The following TC2N variants were observed in gnomAD, a reference collection of about 807,000 sequenced individuals.
TC2N encodes tandem C2 domains, nuclear.
In TC2N, 51 loss-of-function variants were observed where a neutral mutation model predicts 61.9. That is an observed-to-expected ratio of 0.82 (90% CI 0.66 to 1.04). TC2N has a LOEUF of 1.04. Ranked by LOEUF, TC2N falls within the 50% of genes least tolerant of loss-of-function variation. The pLI is 0.00. For missense variants in TC2N, 556 were observed against 566.7 expected (o/e 0.98, Z 0.19); for synonymous variants, 204 against 192.6 (o/e 1.06, Z -0.49).
At chr14:91,845,174 G>A (rs2139913164) in intron 1 of TC2N, among the ~76,000 whole-genome samples, 1 of 152,194 alleles carries the variant, frequency 6.6e-6, no homozygotes, top group Non-Finnish European at 1.5e-5. Context: ...GTTGCAGTAA[G>A]CAGAGATGGT....
At chr14:91,812,573 A>G (rs1315782850) in intron 2 of TC2N, 28 bp from the exon 3 acceptor site, 1 of 1,119,244 alleles carries the variant, frequency 8.9e-7, no homozygotes, top group Non-Finnish European at 1.3e-6. Flanking sequence ...AAAAAGTCAC[A>G]AATATGAATA....
intron 1 of TC2N, among the ~76,000 whole-genome samples, chr14:91,854,316 A>T (rs1283844642): frequency 6.0e-5 from 9 of 150,002 alleles, no homozygotes; most frequent in Non-Finnish European, 1.3e-4. Context: ...ATACTTACCC[A>T]TGGGTCTTAG....
intron 9 of TC2N, among the ~76,000 whole-genome samples, chr14:91,790,251 C>T (rs1595222457): frequency 1.3e-5 from 2 of 152,268 alleles, no homozygotes; most frequent in African/African-American, 4.8e-5. Context: ...ATTTACATTA[C>T]TATTTGTCAA....
chr14:91,801,735 T>C (rs78295929), intron 4 of TC2N, among the ~76,000 whole-genome samples: 4,538 of 152,290 alleles, frequency 0.03, 225 homozygotes, highest in African/African-American at 0.1. Context: ...TTCTTCTTTA[T>C]GTTTTTTCCC....
Position 91,800,292 on chromosome 14 carries a change from G to A in TC2N, c.550C>T (p.Arg184Ter), listed in dbSNP as rs77995634. The A allele has an allele frequency of 6.9e-6, 11 of 1,589,506 alleles. 1 individual carries two copies. The South Asian group carries it at 8.0e-5, about 12-fold the overall frequency. The stretch of plus-strand genomic sequence containing the variant: ...TGTAGATAATTCACCTGGATGAATC[G>A]CTGAGATGAGTTTGTAAGATCAAAC... ...SMFDLTNSSQ[R>*]FIQRHDSLSS... is the part of the protein sequence containing the mutation. The change falls in exon 5 of 12, where the codon CGA becomes TGA. Residue 184 changes from arginine (R) to a stop codon, truncating the protein, a stop_gained. Transcript: ENST00000435962. LOFTEE classifies it high-confidence loss of function.
intron 3 of TC2N, among the ~76,000 whole-genome samples, chr14:91,804,866 C>G (rs1280122497): frequency 6.6e-6 from 1 of 152,082 alleles, no homozygotes; most frequent in Non-Finnish European, 1.5e-5. Context: ...ATGTCTTTAC[C>G]TAGGCTGTAC....
At chr14:91,799,684 T>C (rs541868919) in intron 5 of TC2N, among the ~76,000 whole-genome samples, 1 of 152,106 alleles carries the variant, frequency 6.6e-6, no homozygotes, top group Non-Finnish European at 1.5e-5. Flanking sequence ...TATATGTACA[T>C]ATATTCACAT....
intron 1 of TC2N, among the ~76,000 whole-genome samples, chr14:91,863,419 G>A (rs1204284406): frequency 1.3e-5 from 2 of 152,200 alleles, no homozygotes; most frequent in Non-Finnish European, 2.9e-5. Context: ...TTATAAGCAA[G>A]GGTTTCTAAA....
intron 1 of TC2N, among the ~76,000 whole-genome samples, chr14:91,816,412 T>C (rs937288114): frequency 6.6e-6 from 1 of 151,856 alleles, no homozygotes; most frequent in African/African-American, 2.4e-5. Flanking sequence ...GATTAATCTG[T>C]AATTGTTTAT....
chr14:91,836,341 G>C, intron 1 of TC2N: 1 of 151,996 alleles, frequency 6.6e-6, no homozygotes, highest in Admixed American at 6.5e-5. Flanking sequence ...GCCCGCGCTG[G>C]GCCGGCGCCG....
chr14:91,798,339 T>C lies in TC2N; in HGVS notation c.698A>G (p.Tyr233Cys). ...CCAGATCTGTTCTACTGAAGAATTATAAAACAATTTCACATTCAGTCTCCC... is the reference window on the plus strand; with the variant it reads ...CCAGATCTGTTCTACTGAAGAATTACAAAACAATTTCACATTCAGTCTCCC... ...DFGRLNVKLF[Y>C]NSSVEQIWIT... is the part of the protein sequence containing the mutation. The change falls in exon 7 of 12, where the codon TAT becomes TGT. Residue 233 changes from tyrosine (Y) to cysteine (C), a missense_variant. Transcript: ENST00000435962. The C allele has an allele frequency of 1.3e-6, 2 of 1,596,082 alleles. No homozygotes were observed. The highest frequency in any genetic ancestry group is 1.7e-6 in the Non-Finnish European group (2 of 1,169,210).
At position 91,798,978 on chromosome 14, in the gene TC2N, T is replaced by C; in HGVS notation, c.637+11A>G. 6.4e-7 allele frequency: 1 copy of C among 1,572,282 alleles called. No homozygotes were observed. The highest frequency in any genetic ancestry group is 8.7e-7 in the Non-Finnish European group (1 of 1,147,902). On this transcript the variant is annotated intron_variant, in intron 6 of 11. Coordinates refer to ENST00000435962, the MANE Select transcript of TC2N (RefSeq NM_001128596.3). ...CTTAAGAGTATAAAAGTAGGATACT[T>C]TATTCCTTACCCAGGCTTCTGTTAC...
At chr14:91,827,668 C>CCCTA (rs1887560841) in intron 1 of TC2N, among the ~76,000 whole-genome samples, 1 of 152,212 alleles carries the variant, frequency 6.6e-6, no homozygotes, top group African/African-American at 2.4e-5. Context: ...TGTGAGGTAA[C>CCCTA]ATTCACAGGT....
intron 8 of TC2N, 51 bp downstream of exon 8, chr14:91,797,734 T>TAC: frequency 1.7e-5 from 17 of 981,878 alleles, no homozygotes; most frequent in African/African-American, 2.5e-5. Context: ...AAGTGACAAA[T>TAC]ATAAAAAAAA....
At chr14:91,844,192 C>T (rs1888220464) in intron 1 of TC2N, among the ~76,000 whole-genome samples, 1 of 152,124 alleles carries the variant, frequency 6.6e-6, no homozygotes, top group African/African-American at 2.4e-5. Flanking sequence ...AGAGGCATAC[C>T]CTTCCATTCC....
chr14:91,832,854 A>T (rs2139897803), intron 1 of TC2N, among the ~76,000 whole-genome samples: 1 of 152,392 alleles, frequency 6.6e-6, no homozygotes, highest in South Asian at 2.1e-4. Flanking sequence ...CCGCAGGATA[A>T]TGGATAAAGA....
chr14:91,820,703 TA>T (rs562900141), intron 1 of TC2N, among the ~76,000 whole-genome samples: 3,487 of 147,632 alleles, frequency 0.024, 54 homozygotes, highest in Middle Eastern at 0.061. Flanking sequence ...ATCTTGTAAA[TA>T]AAAAAAAAAA....
Position 91,783,132 on chromosome 14 carries a change from C to A in TC2N, c.1441G>T (p.Val481Phe). 1 of 1,611,366 alleles carries A rather than the reference C, an allele frequency of 6.2e-7. No homozygotes were observed. The highest frequency in any genetic ancestry group is 8.5e-7 in the Non-Finnish European group (1 of 1,178,216). The stretch of plus-strand genomic sequence containing the variant: ...GGATTTAATTTGTGCCACCTGATAA[C>A]AACCTTTTCTGGATTTATTACTGTC... ...KETVINPEKV[V>F]IRWHKLNPS The change falls in exon 12 of 12, where the codon GTT becomes TTT. Residue 481 changes from valine (V) to phenylalanine (F), a missense_variant. Coordinates refer to ENST00000435962, the MANE Select transcript of TC2N (RefSeq NM_001128596.3).
chr14:91,810,138 C>T (rs191393276), intron 3 of TC2N, among the ~76,000 whole-genome samples: 170 of 152,232 alleles, frequency 1.1e-3, no homozygotes, highest in African/African-American at 4.0e-3. Context: ...ACAGCAGGAG[C>T]AAGAGATGGG....
Sources: gnomAD v4.1 joint callset for allele counts (sites outside exome capture counted in the v4.1 genomes callset) on GRCh38, gnomAD v4.1.1 for gene constraint, MANE v1.5 for transcripts, NCBI Gene and HGNC (gene_info 2026-07-23, HGNC 2026-07-21) for gene names.